FBXL13: variants seen among roughly 807,000 people sequenced by gnomAD.
The protein encoded by FBXL13 is F-box and leucine rich repeat protein 13.
Under a neutral mutation model 83.6 loss-of-function variants are expected in FBXL13, and 67 were observed. The observed-to-expected ratio is 0.80, with a 90% CI of 0.66 to 0.98. FBXL13 has a LOEUF of 0.98. FBXL13 is among the 50% of genes least tolerant of loss of function. FBXL13 has a pLI of 0.00. For synonymous variants in FBXL13, 272 were observed against 299.5 expected, an observed-to-expected ratio of 0.91 and a Z score of 0.95; for missense variants, 822 against 866.5, an observed-to-expected ratio of 0.95 and a Z score of 0.64.
chr7:102,940,123 A>G (rs952983806), intron 8 of FBXL13, among the ~76,000 whole-genome samples: 1 of 151,480 alleles, frequency 6.6e-6, no homozygotes, highest in South Asian at 2.1e-4. Flanking sequence ...CAAACTCCTG[A>G]CCTCAGGTGA....
intron 7 of FBXL13, among the ~76,000 whole-genome samples, chr7:102,964,183 C>T (rs1265878812): frequency 4.0e-5 from 6 of 151,508 alleles, no homozygotes; most frequent in Admixed American, 2.0e-4. Context: ...TGGTGACACA[C>T]GCCTGTAGAC....
chr7:102,903,939 C>CTTTTCTTTTTTTTTTTTTTTTTTTTTT (rs1321420603), intron 11 of FBXL13, among the ~76,000 whole-genome samples: 12 of 43,452 alleles, frequency 2.8e-4, no homozygotes, highest in African/African-American at 5.1e-4. Flanking sequence ...CTTTTCTTTT[C>CTTTTCTTTTTTTTTTTTTTTTTTTTTT]TTTTTTTTTT....
intron 11 of FBXL13, among the ~76,000 whole-genome samples, chr7:102,903,962 T>TTTTG (rs1813357601): frequency 6.4e-5 from 9 of 139,628 alleles, no homozygotes; most frequent in Admixed American, 2.1e-4. Context: ...TTTTTTTTTT[T>TTTTG]GCTGTATCTT....
intron 19 of FBXL13, among the ~76,000 whole-genome samples, chr7:102,818,603 C>T (rs1333761884): frequency 6.6e-6 from 1 of 152,116 alleles, no homozygotes; most frequent in East Asian, 1.9e-4. Flanking sequence ...CCTAGAATGC[C>T]TGAGCAGTAG....
At chr7:102,813,159 T>A (rs1460028508), downstream of FBXL13, 1 of 633,554 alleles carries the variant, frequency 1.6e-6, no homozygotes, top group Non-Finnish European at 2.6e-6. Context: ...TTTTAAATCA[T>A]GATTATTTAG....
intron 17 of FBXL13, among the ~76,000 whole-genome samples, chr7:102,839,597 G>A (rs1802576552): frequency 6.6e-6 from 1 of 152,074 alleles, no homozygotes; most frequent in Admixed American, 6.6e-5. Flanking sequence ...ACAGGTGTCT[G>A]CCACCACGCC....
intron 6 of FBXL13, among the ~76,000 whole-genome samples, chr7:102,983,608 C>T (rs1348660851): frequency 1.6e-4 from 24 of 151,676 alleles, no homozygotes; most frequent in Non-Finnish European, 7.4e-5. Flanking sequence ...TTAGTAGAGA[C>T]GGGGTTTCAC....
At chr7:103,027,450 A>G (rs1175246499) in exon 5 of FBXL13, 1 of 1,603,082 alleles carries the variant, frequency 6.2e-7, no homozygotes, top group Admixed American at 1.7e-5. Context: ...ATACAATACC[A>G]GCTCATCTTC....
chr7:103,036,128 C>T (rs1170693187), intron 2 of FBXL13, among the ~76,000 whole-genome samples: 1 of 152,184 alleles, frequency 6.6e-6, no homozygotes, highest in East Asian at 1.9e-4. Flanking sequence ...TTATGAGAAT[C>T]TAACTAATGC....
chr7:102,994,433 A>AG (rs1006950701), intron 6 of FBXL13, among the ~76,000 whole-genome samples: 6 of 151,760 alleles, frequency 4.0e-5, no homozygotes, highest in African/African-American at 1.4e-4. Context: ...AGAGGAAAAA[A>AG]AAAAGATATA....
At chr7:102,987,573 G>A (rs1228921113) in intron 6 of FBXL13, among the ~76,000 whole-genome samples, 1 of 152,080 alleles carries the variant, frequency 6.6e-6, no homozygotes, top group African/African-American at 2.4e-5. Context: ...TGAATTTGGT[G>A]GATTTAAAAT....
At chr7:103,059,706 C>T (rs1464095106) in intron 1 of FBXL13, among the ~76,000 whole-genome samples, 1 of 152,052 alleles carries the variant, frequency 6.6e-6, no homozygotes, top group Non-Finnish European at 1.5e-5. Flanking sequence ...CAATATTTCT[C>T]ATCTATTCTG....
intron 4 of FBXL13, 76 bp from the exon 6 acceptor site, chr7:103,027,634 G>T: frequency 2.3e-6 from 2 of 883,278 alleles, no homozygotes; most frequent in Non-Finnish European, 3.4e-6. Context: ...TGATTTAATA[G>T]TCTATCATGT....
At chr7:102,863,276 A>G (rs894302254) in intron 16 of FBXL13, among the ~76,000 whole-genome samples, 2 of 152,178 alleles carry the variant, frequency 1.3e-5, no homozygotes, top group Non-Finnish European at 2.9e-5. Context: ...TGGGAAATCT[A>G]TATAACCTAG....
intron 8 of FBXL13, among the ~76,000 whole-genome samples, chr7:102,955,615 G>C (rs1023669430): frequency 1.4e-5 from 2 of 146,482 alleles, no homozygotes; most frequent in Non-Finnish European, 3.0e-5. Context: ...TTTTTAAAAA[G>C]ATCAACAGAA....
Position 103,006,119 on chromosome 7 carries a change from T to C in FBXL13, c.495+18944A>G, listed in dbSNP as rs1433556802. ...ATCTATGATAGCCCAGGTTTACTAC[T>C]TGGGGGCGTATATTAGCTACTTATG... is the stretch of plus-strand genomic sequence containing the variant. On this transcript the variant is annotated intron_variant, in intron 6 of 19. Transcript: ENST00000313221. 4.6e-5 allele frequency among the ~76,000 whole-genome samples: 7 copies of C among 152,210 alleles called. 1 individual carries two copies. Among genetic ancestry groups the C allele is most frequent in the Admixed American group, 3.9e-4 (6 of 15,272 alleles).
At chr7:102,935,325 C>CACTG (rs1412653498) in intron 8 of FBXL13, among the ~76,000 whole-genome samples, 1 of 141,838 alleles carries the variant, frequency 7.1e-6, no homozygotes, top group Non-Finnish European at 1.5e-5. Flanking sequence ...AATCTTGGCT[C>CACTG]ACTGCAACCT....
At chr7:102,886,288 T>C (rs1253986261) in intron 11 of FBXL13, among the ~76,000 whole-genome samples, 2 of 152,122 alleles carry the variant, frequency 1.3e-5, no homozygotes, top group Non-Finnish European at 2.9e-5. Flanking sequence ...TGAAGGGTCA[T>C]CTCCAGAAGA....
At chr7:103,061,817 A>G (rs1392627946) in intron 1 of FBXL13, among the ~76,000 whole-genome samples, 1 of 151,886 alleles carries the variant, frequency 6.6e-6, no homozygotes, top group Non-Finnish European at 1.5e-5. Context: ...AGGCGCCGGT[A>G]GTCCCAGCTA....
Sources: allele counts gnomAD v4.1 joint callset (sites outside exome capture counted in the v4.1 genomes callset), GRCh38; gene constraint gnomAD v4.1.1; transcripts MANE v1.5; gene names NCBI Gene and HGNC (gene_info 2026-07-23, HGNC 2026-07-21).